Variants in CPNE4 observed in about 807,000 individuals in gnomAD.
The protein encoded by CPNE4 is copine-4.
Under a neutral mutation model 67.9 loss-of-function variants are expected in CPNE4, and 25 were observed. That is an observed-to-expected ratio of 0.37 (90% confidence interval 0.27 to 0.51). The LOEUF (loss-of-function observed/expected upper bound fraction) is 0.51. Ranked by LOEUF, CPNE4 falls within the 20% of genes least tolerant of loss-of-function variation. CPNE4 has a pLI of 0.93. For missense variants in CPNE4, 464 were observed against 690.8 expected (o/e 0.67, Z 3.68); for synonymous variants, 242 against 244.9 (o/e 0.99, Z 0.11).
Position 132,034,979 on chromosome 3 carries a change from T to C in CPNE4, c.-414A>G. The C allele has an allele frequency of 1.0e-6, 1 of 985,126 alleles. No individual in the cohort carries two copies. Among genetic ancestry groups the C allele is most frequent in the Non-Finnish European group, 1.2e-6 (1 of 830,036 alleles). The allele number at this position is 985,126 out of a possible 1,614,324, so 61.0% of individuals were successfully genotyped here. ...AGGGGACGAGCGGGTGGCGGGGAGA[T>C]GGCAGCTTCTCACAGAGAGATTTCC... On this transcript the variant is annotated 5_prime_UTR_variant, in exon 1 of 16. Transcript: ENST00000429747.
At chr3:131,905,143 C>T (rs2088695720) in intron 2 of CPNE4, 121 bp downstream of exon 2, 1 of 851,804 alleles carries the variant, frequency 1.2e-6, no homozygotes, top group East Asian at 2.5e-5. Context: ...GAAATGTGAT[C>T]ATATTCACTT....
chr3:131,873,042 G>C (rs1241242814), intron 2 of CPNE4, among the ~76,000 whole-genome samples: 1 of 152,174 alleles, frequency 6.6e-6, no homozygotes, highest in Admixed American at 6.5e-5. Flanking sequence ...CACGGTAATA[G>C]AAAATAAATA....
intron 2 of CPNE4, among the ~76,000 whole-genome samples, chr3:131,802,473 C>A (rs1472679841): frequency 6.6e-6 from 1 of 152,148 alleles, no homozygotes; most frequent in Non-Finnish European, 1.5e-5. Context: ...AAAATGTTGA[C>A]AAATTGCCCA....
At chr3:131,884,326 G>A (rs1012374172) in intron 2 of CPNE4, among the ~76,000 whole-genome samples, 3 of 152,200 alleles carry the variant, frequency 2.0e-5, no homozygotes, top group Non-Finnish European at 2.9e-5. Context: ...ATTTATTAGA[G>A]TTGTAAAATG....
At chr3:131,849,318 G>A (rs1374665376) in intron 2 of CPNE4, among the ~76,000 whole-genome samples, 1 of 152,128 alleles carries the variant, frequency 6.6e-6, no homozygotes, top group Non-Finnish European at 1.5e-5. Context: ...AAATAAAAGA[G>A]ATTTAATTGG....
chr3:131,731,875 T>G (rs1055777297), intron 2 of CPNE4, among the ~76,000 whole-genome samples: 1 of 152,168 alleles, frequency 6.6e-6, no homozygotes, highest in Admixed American at 6.5e-5. Flanking sequence ...GCCTGGAGAT[T>G]CCCAGGTGAT....
In CPNE4 at chr3:131,708,957, G is replaced by GATATATATATATATATATATATATATAT. The variant is rs202119937; in HGVS notation, c.361-9005_361-8978dup. The stretch of plus-strand genomic sequence containing the variant: ...AAAAATCAGTGTCTGAGGGCATAAA[G>GATATATATATATATATATATATATATAT]ATATATATATATATATATATATATA... On this transcript the variant is annotated intron_variant, in intron 3 of 15. Coordinates refer to ENST00000429747, the MANE Select transcript of CPNE4 (RefSeq NM_130808.3). 2.6e-4 allele frequency among the ~76,000 whole-genome samples: 17 copies of GATATATATATATATATATATATATATAT among 65,846 alleles called. 2 individuals are homozygous for GATATATATATATATATATATATATATAT. Among genetic ancestry groups the GATATATATATATATATATATATATATAT allele is most frequent in the Non-Finnish European group, 3.2e-4 (10 of 31,390 alleles). 43.2% of individuals were successfully genotyped at this position (65,846 alleles called of 152,430 possible).
At chr3:131,977,916 G>A (rs952215856) in intron 1 of CPNE4, among the ~76,000 whole-genome samples, 6 of 150,188 alleles carry the variant, frequency 4.0e-5, no homozygotes, top group African/African-American at 1.5e-4. Context: ...CCACATATCA[G>A]TGAGAACATA....
At chr3:131,904,277 T>G (rs1218314197) in intron 2 of CPNE4, among the ~76,000 whole-genome samples, 2 of 152,106 alleles carry the variant, frequency 1.3e-5, no homozygotes, top group Non-Finnish European at 2.9e-5. Context: ...CCGTTCCTCC[T>G]ATTTCTGCCA....
chr3:131,829,376 T>C (rs1398151564), intron 2 of CPNE4, among the ~76,000 whole-genome samples: 1 of 152,192 alleles, frequency 6.6e-6, no homozygotes, highest in Non-Finnish European at 1.5e-5. Flanking sequence ...ACACAAATAA[T>C]ATACATTTGA....
At chr3:131,796,750 C>T (rs778349776) in intron 2 of CPNE4, among the ~76,000 whole-genome samples, 10 of 152,152 alleles carry the variant, frequency 6.6e-5, no homozygotes, top group Non-Finnish European at 1.3e-4. Flanking sequence ...AAAATGTCAT[C>T]GCATTTGCAA....
intron 1 of CPNE4, among the ~76,000 whole-genome samples, chr3:131,949,008 T>C (rs1010070957): frequency 6.6e-6 from 1 of 152,236 alleles, no homozygotes; most frequent in Non-Finnish European, 1.5e-5. Context: ...TCAGGTTGCA[T>C]GACGTTGAGA....
intron 1 of CPNE4, among the ~76,000 whole-genome samples, chr3:131,939,868 C>T (rs1031598134): frequency 6.6e-6 from 1 of 152,122 alleles, no homozygotes. Flanking sequence ...TCATAAGGTG[C>T]TTCCTGCATC....
intron 1 of CPNE4, among the ~76,000 whole-genome samples, chr3:131,941,041 C>T (rs774628313): frequency 7.9e-5 from 12 of 151,982 alleles, no homozygotes; most frequent in Non-Finnish European, 1.2e-4. Flanking sequence ...GACCTATGAT[C>T]CTCCAAGACA....
At chr3:132,019,854 G>A (rs1300190863) in intron 1 of CPNE4, among the ~76,000 whole-genome samples, 2 of 152,140 alleles carry the variant, frequency 1.3e-5, no homozygotes, top group Non-Finnish European at 2.9e-5. Flanking sequence ...ACCAGATAAA[G>A]TCTATTTATG....
chr3:131,895,988 C>T (rs1407851762), intron 2 of CPNE4, among the ~76,000 whole-genome samples: 2 of 151,632 alleles, frequency 1.3e-5, no homozygotes, highest in African/African-American at 2.4e-5. Context: ...CCAAGGTGGG[C>T]GGATCACTTT....
In CPNE4 at chr3:131,985,995, A is replaced by G. The variant is rs750190648; in HGVS notation, c.-2+48572T>C. ...AACCAAGATGGATGGAAGAAATACG[A>G]TAATTATATCCATCTTTTTATATTT... On this transcript the variant is annotated intron_variant, in intron 1 of 15. Coordinates refer to ENST00000429747, the MANE Select transcript of CPNE4 (RefSeq NM_130808.3). 6 of 154,296 alleles carry G rather than the reference A, an allele frequency of 3.9e-5. No individual in the cohort carries two copies. In the South Asian group the frequency reaches 1.2e-3, roughly 31 times the overall value. The allele number at this position is 154,296 out of a possible 1,614,324, so 9.6% of individuals were successfully genotyped here.
At chr3:131,985,460 C>T (rs1171004076) in intron 1 of CPNE4, among the ~76,000 whole-genome samples, 1 of 152,128 alleles carries the variant, frequency 6.6e-6, no homozygotes, top group African/African-American at 2.4e-5. Context: ...TCAGGATAAT[C>T]CTGCAAGCTA....
At chr3:131,958,571 A>G (rs757067756) in intron 1 of CPNE4, among the ~76,000 whole-genome samples, 18 of 141,664 alleles carry the variant, frequency 1.3e-4, no homozygotes, top group Admixed American at 3.5e-4. Context: ...CATCTCAGCT[A>G]TGTGACCTTT....
Sources: allele counts gnomAD v4.1 joint callset (sites outside exome capture counted in the v4.1 genomes callset), GRCh38; gene constraint gnomAD v4.1.1; transcripts MANE v1.5; gene names NCBI Gene and HGNC (gene_info 2026-07-23, HGNC 2026-07-21).